Variants in THRA observed in about 807,000 individuals in gnomAD.
The protein encoded by THRA is thyroid hormone receptor alpha.
In THRA, 13 loss-of-function variants were observed where a neutral mutation model predicts 45.0. The ratio of observed to expected loss-of-function variants is 0.29; its 90% CI spans 0.19 to 0.46. The LOEUF (loss-of-function observed/expected upper bound fraction) is 0.46. Among genes scored for constraint, THRA ranks in the 20% least tolerant of loss-of-function variants. The pLI is 1.00. For missense variants in THRA, 278 were observed against 556.1 expected (o/e 0.50, Z 5.03); for synonymous variants, 195 against 214.0 (o/e 0.91, Z 0.78).
At chr17:40,086,890 C>T (rs2145081492) in intron 7 of THRA, 37 bp downstream of exon 7, 1 of 1,610,882 alleles carries the variant, frequency 6.2e-7, no homozygotes, top group East Asian at 2.2e-5. Context: ...TGATGCTGTG[C>T]TGGAGGGAAA....
chr17:40,063,426 C>T (rs1031394482), intron 1 of THRA, among the ~76,000 whole-genome samples: 5 of 152,164 alleles, frequency 3.3e-5, no homozygotes, highest in Admixed American at 2.6e-4. Context: ...TGCCGGCCGC[C>T]GGAGCTCCCC....
At chr17:40,075,317 G>T (rs184834318) in intron 2 of THRA, among the ~76,000 whole-genome samples, 2 of 152,122 alleles carry the variant, frequency 1.3e-5, no homozygotes, top group Admixed American at 1.3e-4. Context: ...GGGTGGGGGT[G>T]CTCCGGGGAG....
chr17:40,083,118 A>G (rs1291719421), intron 4 of THRA, among the ~76,000 whole-genome samples: 3 of 151,910 alleles, frequency 2.0e-5, no homozygotes, highest in East Asian at 1.9e-4. Flanking sequence ...TAGTAGAGAC[A>G]GGGTTTCACC....
chr17:40,066,609 A>C (rs1986575120), intron 1 of THRA, among the ~76,000 whole-genome samples: 1 of 147,284 alleles, frequency 6.8e-6, no homozygotes. Flanking sequence ...GGTTGCAGTG[A>C]GCTGAGATTG....
chr17:40,084,574 T>C (rs1567653977), intron 5 of THRA, 36 bp from the exon 6 acceptor site: 2 of 1,604,806 alleles, frequency 1.2e-6, no homozygotes, highest in Middle Eastern at 1.7e-4. Context: ...GGATGGAGGG[T>C]GCCATGCGTT....
chr17:40,070,968 TCCC>T (rs1986754405), intron 1 of THRA, among the ~76,000 whole-genome samples: 1 of 149,838 alleles, frequency 6.7e-6, no homozygotes, highest in African/African-American at 2.5e-5. Flanking sequence ...CTTCTCCCCA[TCCC>T]CCATCTCTGG....
At chr17:40,063,876 G>A (rs1390838659) in intron 1 of THRA, among the ~76,000 whole-genome samples, 1 of 151,812 alleles carries the variant, frequency 6.6e-6, no homozygotes, top group South Asian at 2.1e-4. Context: ...AAGGCCTGGG[G>A]GGATGACAGG....
intron 1 of THRA, among the ~76,000 whole-genome samples, chr17:40,068,144 C>G (rs1364977094): frequency 1.3e-5 from 2 of 152,156 alleles, no homozygotes; most frequent in African/African-American, 4.8e-5. Flanking sequence ...GCAAGCATGA[C>G]CGTGGTGGGA....
At chr17:40,069,644 T>G (rs1434489830) in intron 1 of THRA, among the ~76,000 whole-genome samples, 1 of 152,066 alleles carries the variant, frequency 6.6e-6, no homozygotes, top group Non-Finnish European at 1.5e-5. Context: ...GTGCTCCTGC[T>G]TCTGCTTTCT....
chr17:40,090,133 C>G lies in THRA; in HGVS notation c.*677C>G. 2 of 663,194 alleles carry G rather than the reference C, an allele frequency of 3.0e-6. No individual in the cohort carries two copies. The highest frequency in any genetic ancestry group is 3.7e-6 in the Non-Finnish European group (2 of 536,134). The allele number at this position is 663,194 out of a possible 1,614,324, so 41.1% of individuals were successfully genotyped here. ...AGGGGAGGACCCCCCCTTTACCACC[C>G]CATGCACTTTGCGAGCTGCCCCTTC... On this transcript the variant is annotated 3_prime_UTR_variant, in exon 9 of 9. Transcript: ENST00000450525.
intron 1 of THRA, among the ~76,000 whole-genome samples, chr17:40,069,447 T>C (rs1394164866): frequency 2.0e-5 from 3 of 151,822 alleles, no homozygotes; most frequent in Non-Finnish European, 2.9e-5. Flanking sequence ...GGCAACTTCT[T>C]CTACTGCCTT....
At chr17:40,086,532 T>A (rs1242924017) in intron 6 of THRA, among the ~76,000 whole-genome samples, 175 bp from the exon 7 acceptor site, 2 of 152,168 alleles carry the variant, frequency 1.3e-5, no homozygotes, top group Non-Finnish European at 2.9e-5. Flanking sequence ...GACTTGGAGC[T>A]CTGGTTCTGG....
intron 4 of THRA, among the ~76,000 whole-genome samples, chr17:40,081,324 C>T (rs542421176): frequency 2.6e-5 from 4 of 152,104 alleles, no homozygotes; most frequent in African/African-American, 9.6e-5. Context: ...GATCATAGCT[C>T]ACTGCAGCCT....
intron 1 of THRA, among the ~76,000 whole-genome samples, chr17:40,068,067 C>G (rs1410481731): frequency 1.3e-5 from 2 of 152,214 alleles, no homozygotes; most frequent in African/African-American, 4.8e-5. Context: ...AAACCCAACT[C>G]TAGTTCTCAT....
chr17:40,064,477 A>G (rs1986481282), intron 1 of THRA, among the ~76,000 whole-genome samples: 4 of 152,204 alleles, frequency 2.6e-5, no homozygotes, highest in Non-Finnish European at 2.9e-5. Context: ...ATGCAAACAC[A>G]GTTACACACC....
chr17:40,087,003 C>T, intron 7 of THRA, 150 bp downstream of exon 7: 1 of 1,032,622 alleles, frequency 9.7e-7, no homozygotes. Context: ...GACACACACA[C>T]ACACATGCAT....
chr17:40,084,408 C>T (rs1987250244), intron 5 of THRA: 1 of 609,398 alleles, frequency 1.6e-6, no homozygotes, highest in South Asian at 1.9e-5. Context: ...TCTGGATCAG[C>T]CCAAACTGTT....
downstream of THRA, chr17:40,093,406 AAGG>A (rs1323592330): frequency 1.3e-6 from 2 of 1,599,380 alleles, no homozygotes. The surrounding 1 kb of genome is among the most constrained non-coding windows in gnomAD (Gnocchi z 5.9). Context: ...GCCGATGGGG[AAGG>A]AGAAGGAGTG....
At chr17:40,088,175 T>C (rs1351198252) in intron 7 of THRA, 67 bp from the exon 8 acceptor site, 1 of 1,536,548 alleles carries the variant, frequency 6.5e-7, no homozygotes, top group Non-Finnish European at 8.8e-7. Context: ...CGTAGGACAC[T>C]CTAGGGGAGA....
Sources: gnomAD v4.1 joint callset for allele counts (sites outside exome capture counted in the v4.1 genomes callset) on GRCh38, gnomAD v4.1.1 for gene constraint, Gnocchi (gnomAD v3.1) non-coding constraint, MANE v1.5 for transcripts, NCBI Gene and HGNC (gene_info 2026-07-23, HGNC 2026-07-21) for gene names.